TEX9: variants seen among roughly 807,000 people sequenced by gnomAD.
TEX9 encodes testis expressed 9.
TEX9 carries 74 observed loss-of-function variants against 59.6 expected under a neutral mutation model. The ratio of observed to expected loss-of-function variants is 1.24; its 90% CI spans 1.03 to 1.51. TEX9 has a LOEUF of 1.51. TEX9 is among the 40% of genes most tolerant of loss of function. TEX9 has a pLI of 0.00. For synonymous variants in TEX9, 186 were observed against 152.2 expected, an observed-to-expected ratio of 1.22 and a Z score of -1.64; for missense variants, 522 against 447.8, an observed-to-expected ratio of 1.17 and a Z score of -1.49.
At chr15:56,444,478 C>T (rs754980290) in intron 12 of TEX9, 4 of 1,607,620 alleles carry the variant, frequency 2.5e-6, no homozygotes, top group Admixed American at 3.4e-5. Context: ...CTAACAATTT[C>T]ATCAATCATG....
chr15:56,395,241 T>C (rs1349221057), intron 9 of TEX9: 1 of 179,866 alleles, frequency 5.6e-6, no homozygotes, highest in African/African-American at 2.3e-5. Flanking sequence ...TGTGGTCTTT[T>C]GTGACTGACT....
intron 1 of TEX9, among the ~76,000 whole-genome samples, chr15:56,269,821 A>T (rs1185415431): frequency 6.6e-6 from 1 of 150,968 alleles, no homozygotes; most frequent in African/African-American, 2.4e-5. Context: ...CACCTGGATA[A>T]TTTTTTTTGT....
intron 9 of TEX9, chr15:56,395,603 C>G (rs765283234): frequency 6.6e-6 from 1 of 152,120 alleles, no homozygotes; most frequent in Non-Finnish European, 1.5e-5. Context: ...GTGCATGAAG[C>G]TCCTAATTTC....
At chr15:56,388,583 C>A in intron 5 of TEX9, 63 bp downstream of exon 5, 1 of 1,432,462 alleles carries the variant, frequency 7.0e-7, no homozygotes, top group Non-Finnish European at 9.8e-7. Context: ...ATTTTTTAGA[C>A]TTTTCTTAGA....
intron 12 of TEX9, chr15:56,429,368 TATATTGA>T: frequency 1.9e-6 from 1 of 532,114 alleles, no homozygotes; most frequent in Non-Finnish European, 3.2e-6. Context: ...ACTTTACATA[TATATTGA>T]ATATTCCTAG....
chr15:56,252,378 C>CTTT (rs1567062567), intron 1 of TEX9, among the ~76,000 whole-genome samples: 2 of 73,648 alleles, frequency 2.7e-5, no homozygotes, highest in Non-Finnish European at 5.6e-5. Context: ...ATTAGAAAAA[C>CTTT]CTTTTTTTTT....
At chr15:56,417,331 G>C (rs1014239363) in intron 10 of TEX9, among the ~76,000 whole-genome samples, 2 of 151,502 alleles carry the variant, frequency 1.3e-5, no homozygotes, top group Non-Finnish European at 2.9e-5. Context: ...TGATGTGGGC[G>C]TTTAGTGCTA....
intron 6 of TEX9, among the ~76,000 whole-genome samples, chr15:56,390,497 T>C (rs1396317713): frequency 2.6e-5 from 4 of 151,990 alleles, no homozygotes; most frequent in Non-Finnish European, 4.4e-5. Flanking sequence ...AAAATTAAAA[T>C]GAATTGTGAA....
chr15:56,392,653 T>C (rs1438721198), intron 7 of TEX9, among the ~76,000 whole-genome samples: 1 of 150,238 alleles, frequency 6.7e-6, no homozygotes, highest in Admixed American at 6.7e-5. Flanking sequence ...ATTATTGTGT[T>C]ACTAATCACA....
chr15:56,258,846 A>G (rs757368061), intron 1 of TEX9, among the ~76,000 whole-genome samples: 1 of 150,780 alleles, frequency 6.6e-6, no homozygotes, highest in Non-Finnish European at 1.5e-5. Flanking sequence ...TGATTTGTAG[A>G]CATTCTTTAG....
intron 10 of TEX9, among the ~76,000 whole-genome samples, chr15:56,420,058 G>GT (rs1228450846): frequency 6.6e-6 from 1 of 151,574 alleles, no homozygotes; most frequent in African/African-American, 2.4e-5. Flanking sequence ...CTGGCATACA[G>GT]TTTTTTACAC....
chr15:56,411,838 C>T (rs1167115739), intron 9 of TEX9, among the ~76,000 whole-genome samples: 2 of 152,104 alleles, frequency 1.3e-5, no homozygotes, highest in East Asian at 3.8e-4. Context: ...TTGGGATTTT[C>T]CTATAGGGCT....
rs1567091301 is a variant in TEX9, at chr15:56,339,382, C to CAAAA, written c.-106-34059_-106-34058insAAAA. Among the ~76,000 whole-genome samples the CAAAA allele has an allele frequency of 3.5e-3, 10 of 2,830 alleles. 1 individual carries two copies. Among genetic ancestry groups the CAAAA allele is most frequent in the Non-Finnish European group, 6.2e-3 (9 of 1,460 alleles). 1.9% of individuals were successfully genotyped at this position (2,830 alleles called of 152,430 possible). A position where few individuals can be genotyped will look rare whatever the true frequency, so the allele number is the denominator to read the frequency against. On this transcript the variant is annotated intron_variant, in intron 1 of 5. Coordinates refer to the TEX9 transcript ENST00000560827. ...TGGGTGTCAGAGCAAGACTCCTTCT[C>CAAAA]CAAAAAAAAAAAAAAAAAAAAAAAA...
intron 11 of TEX9, 81 bp downstream of exon 11, chr15:56,427,820 T>C (rs376717513): frequency 6.3e-6 from 7 of 1,119,528 alleles, no homozygotes; most frequent in East Asian, 5.7e-5. Flanking sequence ...ACTTTAGGTA[T>C]GTTTTTGACA....
At position 56,330,218 on chromosome 15, in the gene TEX9, C is replaced by G. The variant is rs545959544; in HGVS notation, c.-106-43223C>G. Among the ~76,000 whole-genome samples, 5 of 152,222 alleles carry G rather than the reference C, an allele frequency of 3.3e-5. No homozygotes were observed. The East Asian group carries it at 9.6e-4, about 29-fold the overall frequency. On this transcript the variant is annotated intron_variant, in intron 1 of 5. Coordinates refer to the TEX9 transcript ENST00000560827. ...AACATGAAGAAGAAATAAACACTTT[C>G]CCTGACAAACAGAAGCTAAGGGATT...
intron 9 of TEX9, among the ~76,000 whole-genome samples, chr15:56,409,366 CTG>C (rs1313252689): frequency 2.0e-5 from 3 of 152,200 alleles, no homozygotes; most frequent in Non-Finnish European, 4.4e-5. Context: ...AAACCTAACA[CTG>C]TGCCTATGTC....
At chr15:56,443,655 G>A in intron 12 of TEX9, 1 of 1,612,610 alleles carries the variant, frequency 6.2e-7, no homozygotes, top group Non-Finnish European at 8.5e-7. Context: ...TGAAGCTGTA[G>A]CCTTTTCTCC....
intron 1 of TEX9, among the ~76,000 whole-genome samples, chr15:56,351,115 TTAATCA>T (rs1195467734): frequency 1.4e-4 from 22 of 152,340 alleles, no homozygotes; most frequent in Admixed American, 1.0e-3. Context: ...TTTGTGGATG[TTAATCA>T]TAATTCAAGA....
chr15:56,258,330 C>T (rs774245324), intron 1 of TEX9, among the ~76,000 whole-genome samples: 1 of 151,946 alleles, frequency 6.6e-6, no homozygotes, highest in Non-Finnish European at 1.5e-5. Flanking sequence ...GTGAAGAAGT[C>T]GATGGTAGTT....
Sources: gnomAD v4.1 joint callset for allele counts (sites outside exome capture counted in the v4.1 genomes callset) on GRCh38, gnomAD v4.1.1 for gene constraint, MANE v1.5 for transcripts, NCBI Gene and HGNC (gene_info 2026-07-23, HGNC 2026-07-21) for gene names.